The following PTPRD variants were observed in gnomAD, a reference collection of about 807,000 sequenced individuals.
PTPRD encodes the protein protein tyrosine phosphatase receptor type D, also known as receptor-type tyrosine-protein phosphatase delta.
In PTPRD, 34 loss-of-function variants were observed where a neutral mutation model predicts 214.5. The ratio of observed to expected loss-of-function variants is 0.16; its 90% CI spans 0.12 to 0.21. The LOEUF is 0.21. PTPRD is among the 10% of genes least tolerant of loss of function. The pLI, the probability that PTPRD is intolerant of heterozygous loss-of-function variation, is 1.00. For missense variants in PTPRD, 2,545 were observed against 2,398.7 expected, an observed-to-expected ratio of 1.06 and a Z score of -1.27; for synonymous variants, 1,128 against 845.7, an observed-to-expected ratio of 1.33 and a Z score of -5.79.
chr9:10,234,252 A>G (rs1320741180), intron 3 of PTPRD, among the ~76,000 whole-genome samples: 1 of 151,716 alleles, frequency 6.6e-6, no homozygotes, highest in Non-Finnish European at 1.5e-5. Context: ...AAATATGAAG[A>G]TCCCCTTCAA....
At chr9:8,331,240 G>A (rs1840521900) in intron 44 of PTPRD, among the ~76,000 whole-genome samples, 1 of 150,870 alleles carries the variant, frequency 6.6e-6, no homozygotes, top group African/African-American at 2.5e-5. Flanking sequence ...AGTTATCAGT[G>A]CATTGCTATG....
At chr9:9,804,412 T>G (rs556676382) in intron 5 of PTPRD, among the ~76,000 whole-genome samples, 1 of 152,126 alleles carries the variant, frequency 6.6e-6, no homozygotes, top group Non-Finnish European at 1.5e-5. Flanking sequence ...AATGGGTAAA[T>G]TGAATGTCTA....
intron 2 of PTPRD, among the ~76,000 whole-genome samples, chr9:10,603,158 G>A (rs964823219): frequency 2.6e-5 from 4 of 151,818 alleles, no homozygotes; most frequent in African/African-American, 7.3e-5. Flanking sequence ...CGAGCTTGAA[G>A]GGCCACCCCA....
At chr9:8,642,061 T>C (rs551676669) in intron 12 of PTPRD, among the ~76,000 whole-genome samples, 4 of 152,322 alleles carry the variant, frequency 2.6e-5, no homozygotes, top group South Asian at 2.1e-4. Flanking sequence ...GGGAGAGCCA[T>C]TGAAGTCCAC....
At chr9:9,426,033 C>G (rs1415387573) in intron 8 of PTPRD, among the ~76,000 whole-genome samples, 1 of 152,066 alleles carries the variant, frequency 6.6e-6, no homozygotes, top group Non-Finnish European at 1.5e-5. Flanking sequence ...CCAGGTTCGT[C>G]TCAATGGGGC....
chr9:10,381,810 T>C (rs990907227), intron 2 of PTPRD, among the ~76,000 whole-genome samples: 1 of 152,100 alleles, frequency 6.6e-6, no homozygotes, highest in Admixed American at 6.6e-5. Flanking sequence ...AATGGCTTAT[T>C]ATAACTGCTA....
intron 9 of PTPRD, among the ~76,000 whole-genome samples, chr9:9,322,604 G>C (rs1404523839): frequency 6.6e-6 from 1 of 152,172 alleles, no homozygotes; most frequent in Admixed American, 6.5e-5. Context: ...AGTAACATAT[G>C]CATGTCAGGA....
chr9:8,970,866 A>G (rs963369813), intron 11 of PTPRD, among the ~76,000 whole-genome samples: 7 of 151,610 alleles, frequency 4.6e-5, no homozygotes, highest in Non-Finnish European at 1.0e-4. Flanking sequence ...TCTGAGTTGA[A>G]GAGAGCTTTG....
At chr9:10,133,602 A>T (rs1381471257) in intron 3 of PTPRD, among the ~76,000 whole-genome samples, 1 of 152,172 alleles carries the variant, frequency 6.6e-6, no homozygotes, top group Non-Finnish European at 1.5e-5. Context: ...GAAATAACTA[A>T]TGACTATATA....
At chr9:8,569,604 T>G (rs949491027) in intron 14 of PTPRD, among the ~76,000 whole-genome samples, 3 of 152,080 alleles carry the variant, frequency 2.0e-5, no homozygotes, top group Admixed American at 6.6e-5. Flanking sequence ...GGATGAAAAT[T>G]AAAAAGAATC....
chr9:8,624,444 C>T (rs1269532225), intron 14 of PTPRD, among the ~76,000 whole-genome samples: 3 of 151,748 alleles, frequency 2.0e-5, no homozygotes, highest in African/African-American at 7.3e-5. Flanking sequence ...ACCATAGCCA[C>T]GTATACATAT....
Position 10,427,302 on chromosome 9 carries a change from C to T in PTPRD, c.-599-86285G>A, listed in dbSNP as rs186083353. Among the ~76,000 whole-genome samples, 295 of 152,166 alleles carry T rather than the reference C, an allele frequency of 1.9e-3. 1 individual carries two copies. Among genetic ancestry groups the T allele is most frequent in the African/African-American group, 6.8e-3 (282 of 41,540 alleles). On this transcript the variant is annotated intron_variant, in intron 2 of 45. Coordinates refer to ENST00000381196, the MANE Select transcript of PTPRD (RefSeq NM_002839.4). ...AAACAAATACAGTGTAAGCACACCACTATGAAACCTATGCCTCACTAAATA... is the reference window on the plus strand; with the variant it reads ...AAACAAATACAGTGTAAGCACACCATTATGAAACCTATGCCTCACTAAATA...
At chr9:9,931,444 C>G (rs1030202953) in intron 5 of PTPRD, among the ~76,000 whole-genome samples, 6 of 152,180 alleles carry the variant, frequency 3.9e-5, no homozygotes, top group Non-Finnish European at 4.4e-5. Context: ...GTTCCCTTTC[C>G]TAGTCAAAGA....
intron 2 of PTPRD, among the ~76,000 whole-genome samples, chr9:10,609,456 G>C (rs375799598): frequency 9.2e-5 from 14 of 152,148 alleles, no homozygotes; most frequent in African/African-American, 3.4e-4. Flanking sequence ...CTGCAGAACA[G>C]TTTACACCAG....
intron 9 of PTPRD, among the ~76,000 whole-genome samples, chr9:9,330,209 A>G (rs921437241): frequency 5.9e-5 from 9 of 152,028 alleles, no homozygotes; most frequent in African/African-American, 1.7e-4. Context: ...ATACATGTTC[A>G]TTCCTTACAT....
chr9:8,733,980 G>A, intron 11 of PTPRD, 34 bp from the exon 12 acceptor site: 1 of 847,170 alleles, frequency 1.2e-6, no homozygotes, highest in Non-Finnish European at 1.9e-6. Context: ...AGAAAAGGAA[G>A]AAAACACAAA....
chr9:8,891,020 G>T (rs1050698739), intron 11 of PTPRD, among the ~76,000 whole-genome samples: 20 of 151,922 alleles, frequency 1.3e-4, no homozygotes, highest in Non-Finnish European at 2.6e-4. Flanking sequence ...TTTTTGAAGT[G>T]AATTGTATCA....
chr9:9,455,676 G>T lies in PTPRD; in HGVS notation c.-236-58194C>A, dbSNP rs532042286. ...TTTGGAGCTTTCCCAAAGAAGCAAA[G>T]AAAATAATCCTGGAGTTTCTAGATT... On this transcript the variant is annotated intron_variant, in intron 8 of 45. Coordinates refer to ENST00000381196, the MANE Select transcript of PTPRD (RefSeq NM_002839.4). Among the ~76,000 whole-genome samples, 5 of 151,690 alleles carry T rather than the reference G, an allele frequency of 3.3e-5. No homozygotes were observed. The East Asian group carries it at 7.8e-4, about 24-fold the overall frequency.
At chr9:9,208,019 G>GTTTTTTTTTTTTTTT (rs1569562243) in intron 9 of PTPRD, among the ~76,000 whole-genome samples, 1 of 26,040 alleles carries the variant, frequency 3.8e-5, no homozygotes, top group Non-Finnish European at 8.9e-5. Flanking sequence ...ATATATATCT[G>GTTTTTTTTTTTTTTT]CTTTTTTTTT....
Sources: gnomAD v4.1 joint callset for allele counts (sites outside exome capture counted in the v4.1 genomes callset) on GRCh38, gnomAD v4.1.1 for gene constraint, MANE v1.5 for transcripts, NCBI Gene and HGNC (gene_info 2026-07-23, HGNC 2026-07-21) for gene names.